The following MED12L variants were observed in gnomAD, a reference collection of about 807,000 sequenced individuals.
MED12L encodes mediator of RNA polymerase II transcription subunit 12-like protein.
In MED12L, 60 loss-of-function variants were observed where a neutral mutation model predicts 281.3. The ratio of observed to expected loss-of-function variants is 0.21; its 90% CI spans 0.17 to 0.26. The LOEUF is 0.26. Among genes scored for constraint, MED12L ranks in the 10% least tolerant of loss-of-function variants. The probability of loss-of-function intolerance (pLI) is 1.00; values close to 1 mark genes in which losing one functional copy is unlikely to be tolerated. For synonymous variants in MED12L, 974 were observed against 987.2 expected (o/e 0.99, Z 0.25); for missense variants, 2,146 against 2,680.9 (o/e 0.80, Z 4.41).
intron 43 of MED12L, among the ~76,000 whole-genome samples, chr3:151,417,247 A>G (rs1717671509): frequency 6.6e-6 from 1 of 152,206 alleles, no homozygotes; most frequent in Non-Finnish European, 1.5e-5. Flanking sequence ...GAGAAACACT[A>G]GTGTAGACTG....
intron 16 of MED12L, chr3:151,242,011 C>G (rs554332069): frequency 6.6e-6 from 1 of 152,412 alleles, no homozygotes; most frequent in South Asian, 2.1e-4. Flanking sequence ...AAAGGGGTGA[C>G]GGACGGCACC....
chr3:151,238,821 G>C (rs1438503135), intron 16 of MED12L, among the ~76,000 whole-genome samples: 7 of 152,088 alleles, frequency 4.6e-5, no homozygotes. Flanking sequence ...AAGTACATTT[G>C]CTACTTATGA....
At chr3:151,240,541 G>A (rs750254477) in intron 16 of MED12L, among the ~76,000 whole-genome samples, 13 of 152,166 alleles carry the variant, frequency 8.5e-5, no homozygotes, top group Non-Finnish European at 1.6e-4. Context: ...GGGTCACAGA[G>A]GTGAAAGAGC....
At chr3:151,382,927 T>A (rs1253095755) in intron 33 of MED12L, among the ~76,000 whole-genome samples, 182 bp downstream of exon 33, 3 of 152,228 alleles carry the variant, frequency 2.0e-5, no homozygotes, top group African/African-American at 4.8e-5. Context: ...TTCCTTCCTG[T>A]CTGGTCAGAC....
chr3:151,192,532 T>A lies in MED12L; in HGVS notation c.1969-18T>A. On this transcript the variant is annotated intron_variant, in intron 14 of 44. Coordinates refer to ENST00000687756, the MANE Select transcript of MED12L (RefSeq NM_001393769.1). ...TCCAAAACTTACAATGTTACTTTCTTTCTCTGGCGATTATCAGGAACAGAG... is the reference window on the plus strand; with the variant it reads ...TCCAAAACTTACAATGTTACTTTCTATCTCTGGCGATTATCAGGAACAGAG... 1 of 1,497,254 alleles carries A rather than the reference T, an allele frequency of 6.7e-7. No homozygotes were observed. The highest frequency in any genetic ancestry group is 9.0e-7 in the Non-Finnish European group (1 of 1,111,594). The allele number at this position is 1,497,254 out of a possible 1,614,324, so 92.7% of individuals were successfully genotyped here.
intron 11 of MED12L, among the ~76,000 whole-genome samples, chr3:151,168,765 G>A (rs1303826014): frequency 6.6e-6 from 1 of 152,134 alleles, no homozygotes; most frequent in Non-Finnish European, 1.5e-5. Flanking sequence ...GAGTGCAGTG[G>A]TACTGTCTTG....
chr3:151,105,847 C>T (rs753225540), intron 2 of MED12L, among the ~76,000 whole-genome samples: 21 of 152,134 alleles, frequency 1.4e-4, no homozygotes, highest in Admixed American at 3.9e-4. Flanking sequence ...AAACTTACGA[C>T]GTTTATACCT....
At chr3:151,330,323 A>G (rs1750205168) in intron 16 of MED12L, among the ~76,000 whole-genome samples, 1 of 152,216 alleles carries the variant, frequency 6.6e-6, no homozygotes, top group Non-Finnish European at 1.5e-5. Context: ...TTCACTTAGT[A>G]GAGGGCCATT....
chr3:151,253,526 C>T (rs949562264), intron 16 of MED12L, among the ~76,000 whole-genome samples: 4 of 152,162 alleles, frequency 2.6e-5, no homozygotes, highest in African/African-American at 9.6e-5. Flanking sequence ...TATGTTCTTA[C>T]TGAGAATGAA....
At position 151,378,122 on chromosome 3, in the gene MED12L, A is replaced by C; in HGVS notation, c.4427A>C (p.Gln1476Pro). 6.2e-7 allele frequency: 1 copy of C among 1,612,246 alleles called. No individual in the cohort carries two copies. Among genetic ancestry groups the C allele is most frequent in the Non-Finnish European group, 8.5e-7 (1 of 1,178,864 alleles). The change falls in exon 31 of 45, where the codon CAG (glutamine) becomes CCG (proline). Residue 1476 changes from glutamine (Q) to proline (P), a missense_variant. This residue lies in a region of MED12L where 212 missense variants were observed against 340.8 expected (regional missense o/e 0.62). Transcript: ENST00000687756. ...GCTGGGGAAGAGCTGGAGAAGGGAC[A>C]GCACTTGGGTTCTTCTTCCAAAAAG... ...KAAGEELEKG[Q>P]HLGSSSKKER... is the part of the protein sequence containing the mutation.
intron 16 of MED12L, among the ~76,000 whole-genome samples, chr3:151,219,191 A>G (rs1474251243): frequency 2.0e-5 from 3 of 152,216 alleles, no homozygotes; most frequent in Non-Finnish European, 4.4e-5. Context: ...GTGCAGTGTA[A>G]TATCTTAGGA....
chr3:151,352,103 C>A (rs992905684), intron 17 of MED12L, among the ~76,000 whole-genome samples: 4 of 152,098 alleles, frequency 2.6e-5, no homozygotes, highest in Non-Finnish European at 5.9e-5. Context: ...ACATGAAACT[C>A]ATTTATGTTT....
rs368768482 is a variant in MED12L at position 151,113,294 on chromosome 3, G to C, written c.100-3044G>C. On this transcript the variant is annotated intron_variant, in intron 2 of 44. Transcript: ENST00000687756. ...CAAAATCCCTGATTAGAGAATGCTGGGCTGGTGTGTTTGAGAAATTGCAAG... is the reference window on the plus strand; with the variant it reads ...CAAAATCCCTGATTAGAGAATGCTGCGCTGGTGTGTTTGAGAAATTGCAAG... Among the ~76,000 whole-genome samples the C allele has an allele frequency of 5.3e-5, 8 of 152,312 alleles. No homozygotes were observed. In the East Asian group the frequency reaches 1.2e-3, roughly 22 times the overall value.
chr3:151,249,014 A>G (rs1736326648), intron 16 of MED12L: 1 of 152,216 alleles, frequency 6.6e-6, no homozygotes, highest in Non-Finnish European at 1.5e-5. Context: ...AAATCAAAAC[A>G]TTTAAAGTGC....
At chr3:151,417,834 AATAT>A (rs1407145510) in intron 43 of MED12L, among the ~76,000 whole-genome samples, 2 of 152,130 alleles carry the variant, frequency 1.3e-5, no homozygotes, top group Non-Finnish European at 2.9e-5. Context: ...CTGATTTAAA[AATAT>A]ATATATGTTT....
chr3:151,326,580 G>A (rs1006991854), intron 16 of MED12L: 2 of 152,116 alleles, frequency 1.3e-5, no homozygotes, highest in Non-Finnish European at 2.9e-5. Context: ...GTGTACCAGG[G>A]GGAAATATAC....
chr3:151,148,982 T>C (rs369537549), intron 5 of MED12L, among the ~76,000 whole-genome samples: 2 of 152,334 alleles, frequency 1.3e-5, no homozygotes, highest in African/African-American at 4.8e-5. Context: ...TTCCCTGTTG[T>C]CATGTTTGAA....
intron 16 of MED12L, among the ~76,000 whole-genome samples, chr3:151,307,013 T>C (rs939130621): frequency 6.6e-6 from 1 of 152,236 alleles, no homozygotes; most frequent in Non-Finnish European, 1.5e-5. Flanking sequence ...TGAAAAGCTA[T>C]ACTGAACTGA....
At chr3:151,317,949 G>T (rs1748498810) in intron 16 of MED12L, among the ~76,000 whole-genome samples, 1 of 151,998 alleles carries the variant, frequency 6.6e-6, no homozygotes, top group African/African-American at 2.4e-5. Flanking sequence ...TCTATAATAG[G>T]TATTACTTAG....
Sources: allele counts gnomAD v4.1 joint callset (sites outside exome capture counted in the v4.1 genomes callset), GRCh38; gene constraint gnomAD v4.1.1; regional missense constraint gnomAD v4.1.1; transcripts MANE v1.5; gene names NCBI Gene and HGNC (gene_info 2026-07-23, HGNC 2026-07-21).